The following LRRTM4 variants were observed in gnomAD, a reference collection of about 807,000 sequenced individuals.
LRRTM4 encodes the protein leucine-rich repeat transmembrane neuronal protein 4.
In LRRTM4, 25 loss-of-function variants were observed where a neutral mutation model predicts 47.6. The observed-to-expected ratio is 0.53, with a 90% CI of 0.38 to 0.73. LRRTM4 has a LOEUF of 0.73. LRRTM4 is among the 30% of genes least tolerant of loss of function. The pLI is 0.00. For synonymous variants in LRRTM4, 311 were observed against 269.5 expected (o/e 1.15, Z -1.51); for missense variants, 638 against 713.4 (o/e 0.89, Z 1.20).
Position 77,248,946 on chromosome 2 carries a change from A to G in LRRTM4, c.1551+269372T>C, listed in dbSNP as rs546029248. Among the ~76,000 whole-genome samples, 11 of 152,330 alleles carry G rather than the reference A, an allele frequency of 7.2e-5. No homozygotes were observed. In the South Asian group the frequency reaches 1.5e-3, roughly 20 times the overall value. On this transcript the variant is annotated intron_variant, in intron 3 of 3. Coordinates refer to ENST00000409884, the MANE Select transcript of LRRTM4 (RefSeq NM_001134745.3). ...AAAGAAAAAATATAAAACTCTTAGA[A>G]AAATAACATAGAAGAAAATTTAGAT...
chr2:76,771,990 C>T (rs1301437828), intron 3 of LRRTM4, among the ~76,000 whole-genome samples: 1 of 152,150 alleles, frequency 6.6e-6, no homozygotes, highest in Non-Finnish European at 1.5e-5. Context: ...AGGTATGACA[C>T]AAATGCCAAG....
intron 3 of LRRTM4, among the ~76,000 whole-genome samples, chr2:77,373,160 A>G (rs1318999391): frequency 6.7e-6 from 1 of 149,356 alleles, no homozygotes; most frequent in Non-Finnish European, 1.5e-5. Flanking sequence ...AAAAACTAGG[A>G]AGATTTTTTT....
intron 3 of LRRTM4, among the ~76,000 whole-genome samples, chr2:77,361,552 T>A (rs1268308868): frequency 6.6e-6 from 1 of 152,196 alleles, no homozygotes; most frequent in Non-Finnish European, 1.5e-5. Context: ...CTAACTGTGG[T>A]CCCACATATC....
intron 3 of LRRTM4, among the ~76,000 whole-genome samples, chr2:77,322,445 A>C (rs930291167): frequency 6.6e-6 from 1 of 152,140 alleles, no homozygotes. Context: ...AGTTAAACTA[A>C]AAATTATTCT....
At chr2:76,818,272 G>T (rs1247705960) in intron 3 of LRRTM4, among the ~76,000 whole-genome samples, 2 of 151,596 alleles carry the variant, frequency 1.3e-5, no homozygotes, top group Admixed American at 1.3e-4. Flanking sequence ...TTATTGATTT[G>T]CTGTGTTCCC....
At chr2:77,491,564 C>G (rs1323018269) in intron 3 of LRRTM4, among the ~76,000 whole-genome samples, 2 of 151,494 alleles carry the variant, frequency 1.3e-5, no homozygotes, top group Non-Finnish European at 2.9e-5. Flanking sequence ...TGGGGCAACA[C>G]TGAGAGAAGT....
At chr2:77,277,310 A>G (rs1676388402) in intron 3 of LRRTM4, among the ~76,000 whole-genome samples, 1 of 137,660 alleles carries the variant, frequency 7.3e-6, no homozygotes. Flanking sequence ...TTAGTTCAGT[A>G]TAAGTTTTAA....
intron 3 of LRRTM4, among the ~76,000 whole-genome samples, chr2:77,374,882 AT>A (rs929661281): frequency 6.6e-5 from 10 of 151,026 alleles, no homozygotes; most frequent in South Asian, 2.1e-4. Flanking sequence ...AAAGTTACTA[AT>A]TTTTTTTTCT....
At chr2:76,895,831 AC>A (rs1404202491) in intron 3 of LRRTM4, among the ~76,000 whole-genome samples, 1 of 151,968 alleles carries the variant, frequency 6.6e-6, no homozygotes, top group Non-Finnish European at 1.5e-5. Flanking sequence ...TGGTAACACA[AC>A]CCCGATTACT....
At chr2:77,179,829 T>G (rs1303462064) in intron 3 of LRRTM4, among the ~76,000 whole-genome samples, 1 of 152,120 alleles carries the variant, frequency 6.6e-6, no homozygotes, top group Non-Finnish European at 1.5e-5. Flanking sequence ...GACTAGAAAC[T>G]GAATTCTTTA....
intron 3 of LRRTM4, among the ~76,000 whole-genome samples, chr2:77,424,703 T>C (rs1205512495): frequency 2.0e-5 from 3 of 152,190 alleles, no homozygotes; most frequent in Admixed American, 6.5e-5. Context: ...TATAAACTTC[T>C]TGAGGTTATT....
At chr2:77,012,609 T>C (rs1184942179) in intron 3 of LRRTM4, among the ~76,000 whole-genome samples, 1 of 152,198 alleles carries the variant, frequency 6.6e-6, no homozygotes, top group Non-Finnish European at 1.5e-5. Context: ...AAAAGTATCA[T>C]AGGCTTTTAG....
chr2:77,174,834 C>T (rs373497526), intron 3 of LRRTM4, among the ~76,000 whole-genome samples: 2,060 of 151,814 alleles, frequency 0.014, 24 homozygotes, highest in South Asian at 0.067. Flanking sequence ...GTGTGATGTT[C>T]CCCTTCCTGT....
At chr2:76,852,004 T>C (rs1339033792) in intron 3 of LRRTM4, among the ~76,000 whole-genome samples, 1 of 152,134 alleles carries the variant, frequency 6.6e-6, no homozygotes, top group African/African-American at 2.4e-5. Flanking sequence ...ATATTGCATG[T>C]ACATTAAAGA....
intron 3 of LRRTM4, among the ~76,000 whole-genome samples, chr2:77,427,644 T>C (rs999177573): frequency 2.0e-5 from 3 of 152,214 alleles, no homozygotes; most frequent in African/African-American, 7.2e-5. Context: ...TGATTTAACA[T>C]GTATTTTCAC....
intron 3 of LRRTM4, among the ~76,000 whole-genome samples, chr2:77,014,752 C>A (rs1276189005): frequency 6.6e-6 from 1 of 151,986 alleles, no homozygotes; most frequent in Non-Finnish European, 1.5e-5. Context: ...GTGGAGGTTG[C>A]AGTGAGTGGA....
At chr2:76,974,141 CATATATATACATACATAT>C (rs1363700846) in intron 3 of LRRTM4, among the ~76,000 whole-genome samples, 2 of 82,380 alleles carry the variant, frequency 2.4e-5, no homozygotes, top group African/African-American at 9.1e-5. Flanking sequence ...CATATATATA[CATATATATACATACATAT>C]ATATATATAC....
intron 3 of LRRTM4, among the ~76,000 whole-genome samples, chr2:77,455,155 T>C (rs1165366646): frequency 6.6e-6 from 1 of 152,186 alleles, no homozygotes; most frequent in East Asian, 1.9e-4. Context: ...ACCACTGCAC[T>C]CTAGCCTGGA....
At chr2:77,062,668 T>TC (rs1426977790) in intron 3 of LRRTM4, among the ~76,000 whole-genome samples, 7 of 152,256 alleles carry the variant, frequency 4.6e-5, no homozygotes, top group South Asian at 2.1e-4. Flanking sequence ...TCCTTTTTTT[T>TC]CTCTCTGTCT....
Sources: allele counts gnomAD v4.1 joint callset (sites outside exome capture counted in the v4.1 genomes callset), GRCh38; gene constraint gnomAD v4.1.1; transcripts MANE v1.5; gene names NCBI Gene and HGNC (gene_info 2026-07-23, HGNC 2026-07-21).